PI4KA: variants seen among roughly 807,000 people sequenced by gnomAD.
PI4KA encodes the protein PI4-kinase alpha.
In PI4KA, 122 loss-of-function variants were observed where a neutral mutation model predicts 271.4. That is an observed-to-expected ratio of 0.45 (90% CI 0.39 to 0.52). The LOEUF is 0.52. Ranked by LOEUF, PI4KA falls within the 20% of genes least tolerant of loss-of-function variation. The pLI, the probability that PI4KA is intolerant of heterozygous loss-of-function variation, is 0.00. For synonymous variants in PI4KA, 1,041 were observed against 1,078.8 expected, an observed-to-expected ratio of 0.96 and a Z score of 0.69; for missense variants, 1,969 against 2,769.1, an observed-to-expected ratio of 0.71 and a Z score of 6.48.
intron 45 of PI4KA, among the ~76,000 whole-genome samples, chr22:20,715,057 C>A (rs1219268962): frequency 6.6e-6 from 1 of 152,038 alleles, no homozygotes; most frequent in Non-Finnish European, 1.5e-5. Context: ...CTCTGAACAG[C>A]CCTCCATTCT....
At chr22:20,828,356 T>C (rs538008797) in intron 3 of PI4KA, among the ~76,000 whole-genome samples, 1 of 152,306 alleles carries the variant, frequency 6.6e-6, no homozygotes, top group Non-Finnish European at 1.5e-5. Context: ...TTCTTTCTCT[T>C]GCCTGATTGC....
At chr22:20,739,663 C>T (rs186979713) in intron 32 of PI4KA, among the ~76,000 whole-genome samples, 21 of 151,846 alleles carry the variant, frequency 1.4e-4, no homozygotes, top group African/African-American at 3.1e-4. Flanking sequence ...GACCAGATAA[C>T]GATATAAAAA....
intron 18 of PI4KA, 113 bp from the exon 19 acceptor site, chr22:20,793,356 G>C (rs1934772373): frequency 3.1e-6 from 2 of 645,330 alleles, no homozygotes; most frequent in Admixed American, 4.9e-5. Context: ...TAATCTAAGA[G>C]AAATGATGAG....
At chr22:20,713,135 C>A (rs772728100) in intron 48 of PI4KA, 146 bp downstream of exon 48, 3 of 723,970 alleles carry the variant, frequency 4.1e-6, no homozygotes, top group Non-Finnish European at 7.2e-6. Flanking sequence ...TTTGCAGAAG[C>A]CCTAATTTAC....
At chr22:20,751,410 GC>G in intron 26 of PI4KA, 34 bp from the exon 27 acceptor site, 1 of 1,593,190 alleles carries the variant, frequency 6.3e-7, no homozygotes, top group Non-Finnish European at 8.6e-7. Context: ...CTTCCAAACT[GC>G]CTTCCCCAAG....
intron 17 of PI4KA, 121 bp from the exon 18 acceptor site, chr22:20,796,435 C>T (rs1335245232): frequency 2.5e-6 from 2 of 796,546 alleles, no homozygotes; most frequent in Non-Finnish European, 4.0e-6. Flanking sequence ...CACACTCCTC[C>T]CAGTGTCTGT....
At chr22:20,802,483 A>C (rs1294439461) in intron 13 of PI4KA, among the ~76,000 whole-genome samples, 1 of 152,202 alleles carries the variant, frequency 6.6e-6, no homozygotes, top group African/African-American at 2.4e-5. Flanking sequence ...TTGCGGGAGC[A>C]GGGGCCTTAG....
intron 1 of PI4KA, among the ~76,000 whole-genome samples, chr22:20,851,241 G>T (rs896620798): frequency 1.3e-5 from 2 of 151,858 alleles, no homozygotes; most frequent in Non-Finnish European, 2.9e-5. Flanking sequence ...CCAGGGCCTA[G>T]CACAGTGCCT....
At chr22:20,826,769 T>C (rs1299147118) in intron 3 of PI4KA, among the ~76,000 whole-genome samples, 3 of 152,250 alleles carry the variant, frequency 2.0e-5, no homozygotes, top group Non-Finnish European at 4.4e-5. Context: ...TGGTATCTCA[T>C]TGCAATTTTG....
At chr22:20,727,641 T>C in intron 40 of PI4KA, 133 bp downstream of exon 40, 1 of 733,332 alleles carries the variant, frequency 1.4e-6, no homozygotes, top group Admixed American at 3.0e-5. Flanking sequence ...ACACAGGAAA[T>C]CAGAAAAACC....
At chr22:20,790,140 C>CAA (rs1420561643) in intron 19 of PI4KA, among the ~76,000 whole-genome samples, 1 of 152,104 alleles carries the variant, frequency 6.6e-6, no homozygotes, top group African/African-American at 2.4e-5. Context: ...AGTTGCGGTA[C>CAA]AAAGATCACC....
chr22:20,755,289 C>T (rs979457419), intron 23 of PI4KA, among the ~76,000 whole-genome samples: 7 of 152,186 alleles, frequency 4.6e-5, no homozygotes, highest in African/African-American at 1.7e-4. Context: ...CTGTGTCATT[C>T]GGACAGGCCC....
chr22:20,804,879 C>A, intron 11 of PI4KA, 95 bp downstream of exon 11: 1 of 1,013,318 alleles, frequency 9.9e-7, no homozygotes, highest in Non-Finnish European at 1.5e-6. Context: ...GGTAACAGAG[C>A]CAAGTGTTCT....
intron 19 of PI4KA, among the ~76,000 whole-genome samples, chr22:20,777,448 C>T (rs567622856): frequency 1.3e-5 from 2 of 152,224 alleles, no homozygotes; most frequent in South Asian, 2.1e-4. Context: ...GAACTCCCGA[C>T]CTCAGATGAT....
chr22:20,813,025 A>G (rs1258972317), intron 8 of PI4KA, among the ~76,000 whole-genome samples: 1 of 152,198 alleles, frequency 6.6e-6, no homozygotes, highest in Non-Finnish European at 1.5e-5. Flanking sequence ...AGCCCAGGAA[A>G]AGCACTGGAC....
intron 19 of PI4KA, among the ~76,000 whole-genome samples, chr22:20,771,207 G>A (rs537164390): frequency 6.6e-6 from 1 of 152,154 alleles, no homozygotes; most frequent in Non-Finnish European, 1.5e-5. Context: ...GGCGGATCAT[G>A]AGGTTAGGAG....
intron 30 of PI4KA, 109 bp downstream of exon 30, chr22:20,744,519 A>G (rs534323902): frequency 5.6e-6 from 4 of 712,712 alleles, no homozygotes; most frequent in African/African-American, 3.5e-5. Flanking sequence ...AAATATGTTA[A>G]TTCCACATCA....
At chr22:20,844,366 T>C (rs1047484897) in intron 1 of PI4KA, among the ~76,000 whole-genome samples, 1 of 152,184 alleles carries the variant, frequency 6.6e-6, no homozygotes, top group Admixed American at 6.6e-5. Context: ...AATTGTCATA[T>C]AGTCAGTACC....
At chr22:20,715,492 T>C (rs1380313882) in intron 45 of PI4KA, among the ~76,000 whole-genome samples, 1 of 152,060 alleles carries the variant, frequency 6.6e-6, no homozygotes, top group East Asian at 1.9e-4. Flanking sequence ...TTTTTCTTTT[T>C]GAGACGGAGT....
Sources: gnomAD v4.1 joint callset for allele counts (sites outside exome capture counted in the v4.1 genomes callset) on GRCh38, gnomAD v4.1.1 for gene constraint, MANE v1.5 for transcripts, NCBI Gene and HGNC (gene_info 2026-07-23, HGNC 2026-07-21) for gene names.